KIAA1549: variants seen among roughly 807,000 people sequenced by gnomAD.
KIAA1549 encodes the protein KIAA1549, also known as UPF0606 protein KIAA1549.
Under a neutral mutation model 156.4 loss-of-function variants are expected in KIAA1549, and 70 were observed. The observed-to-expected ratio is 0.45, with a 90% CI of 0.37 to 0.55. KIAA1549 has a LOEUF of 0.55. Among genes scored for constraint, KIAA1549 ranks in the 20% least tolerant of loss-of-function variants. The probability of loss-of-function intolerance (pLI) is 0.00; values close to 1 mark genes in which losing one functional copy is unlikely to be tolerated. For missense variants in KIAA1549, 2,428 were observed against 2,540.9 expected, an observed-to-expected ratio of 0.96 and a Z score of 0.96; for synonymous variants, 1,103 against 1,066.4, an observed-to-expected ratio of 1.03 and a Z score of -0.67.
At chr7:138,919,678 G>A (rs138735877) in intron 1 of KIAA1549, among the ~76,000 whole-genome samples, 8 of 152,222 alleles carry the variant, frequency 5.3e-5, no homozygotes, top group South Asian at 2.1e-4. Context: ...GTGTATGTGT[G>A]GGGGTGGGGA....
chr7:138,902,998 T>A (rs924091336), intron 8 of KIAA1549, among the ~76,000 whole-genome samples: 2 of 152,152 alleles, frequency 1.3e-5, no homozygotes, highest in African/African-American at 4.8e-5. Context: ...TTACACATTT[T>A]TTAATGTGTT....
At chr7:138,968,994 C>T (rs1220742372) in intron 1 of KIAA1549, among the ~76,000 whole-genome samples, 1 of 151,692 alleles carries the variant, frequency 6.6e-6, no homozygotes, top group Non-Finnish European at 1.5e-5. Context: ...AAACAGGTGT[C>T]ACAGGAGTCT....
intron 2 of KIAA1549, among the ~76,000 whole-genome samples, chr7:138,913,209 CA>C (rs1233222225): frequency 1.3e-5 from 2 of 152,136 alleles, no homozygotes; most frequent in African/African-American, 4.8e-5. Flanking sequence ...AGATGTTACT[CA>C]ACAAAACCAG....
chr7:138,952,306 G>GA (rs2130541856), intron 1 of KIAA1549, among the ~76,000 whole-genome samples: 1 of 152,268 alleles, frequency 6.6e-6, no homozygotes, highest in Non-Finnish European at 1.5e-5. Context: ...ACATGGCCTA[G>GA]AAAAATAAGA....
chr7:138,880,733 G>A (rs907294303), intron 11 of KIAA1549, among the ~76,000 whole-genome samples: 1 of 152,144 alleles, frequency 6.6e-6, no homozygotes, highest in Non-Finnish European at 1.5e-5. Context: ...CCTTCTCACA[G>A]GGTCAGAGGG....
chr7:138,961,336 C>T (rs754164629), intron 1 of KIAA1549, among the ~76,000 whole-genome samples: 9 of 152,170 alleles, frequency 5.9e-5, no homozygotes, highest in Non-Finnish European at 1.0e-4. Context: ...TTGAAAGCTA[C>T]TGGGGGAAGC....
chr7:138,951,775 A>C (rs1813506314), intron 1 of KIAA1549, among the ~76,000 whole-genome samples: 1 of 152,242 alleles, frequency 6.6e-6, no homozygotes. Context: ...CATGATGAGA[A>C]AACTATACAA....
chr7:138,937,485 C>A (rs1264236531), intron 1 of KIAA1549, among the ~76,000 whole-genome samples: 2 of 152,234 alleles, frequency 1.3e-5, no homozygotes, highest in Non-Finnish European at 2.9e-5. Context: ...ATAGAAAGGT[C>A]CCCTGCTCAC....
chr7:138,940,604 T>C (rs2130522166), intron 1 of KIAA1549, among the ~76,000 whole-genome samples: 1 of 152,138 alleles, frequency 6.6e-6, no homozygotes, highest in South Asian at 2.1e-4. Context: ...ACTTCCACAA[T>C]GGTTGAACTA....
chr7:138,845,752 G>A (rs1354477369), intron 17 of KIAA1549, among the ~76,000 whole-genome samples: 3 of 152,134 alleles, frequency 2.0e-5, no homozygotes, highest in African/African-American at 7.2e-5. Context: ...AAGTTGTCAA[G>A]TTCACAGTGG....
chr7:138,876,446 T>C (rs1811087861), intron 12 of KIAA1549: 1 of 152,222 alleles, frequency 6.6e-6, no homozygotes, highest in Admixed American at 6.5e-5. Flanking sequence ...TTTTAGTCTA[T>C]ATGCTGCTGA....
chr7:138,858,442 G>A (rs560294468), intron 16 of KIAA1549, among the ~76,000 whole-genome samples: 155 of 152,132 alleles, frequency 1.0e-3, no homozygotes, highest in African/African-American at 3.4e-3. Flanking sequence ...TTCTTTGCTT[G>A]TCTGTTTAGT....
At chr7:138,888,177 T>C (rs1170143083) in intron 10 of KIAA1549, among the ~76,000 whole-genome samples, 1 of 152,230 alleles carries the variant, frequency 6.6e-6, no homozygotes, top group Non-Finnish European at 1.5e-5. Flanking sequence ...GCAGGCACCC[T>C]TGTCCACGGG....
intron 2 of KIAA1549, among the ~76,000 whole-genome samples, chr7:138,916,341 CA>C (rs569664596): frequency 2.0e-4 from 31 of 152,302 alleles, no homozygotes; most frequent in Admixed American, 1.4e-3. Flanking sequence ...TATGGTAGGA[CA>C]AAGATCCTAC....
intron 1 of KIAA1549, among the ~76,000 whole-genome samples, chr7:138,962,839 C>T (rs1463883842): frequency 1.3e-5 from 2 of 152,288 alleles, no homozygotes; most frequent in East Asian, 3.9e-4. Context: ...CAAAATGAGG[C>T]TCCCCTTTAG....
chr7:138,841,436 A>C (rs1809914782), intron 18 of KIAA1549, among the ~76,000 whole-genome samples: 1 of 152,164 alleles, frequency 6.6e-6, no homozygotes. Flanking sequence ...CCCTATACCC[A>C]GACATCTGCA....
At position 138,836,962 on chromosome 7, in the gene KIAA1549, A is replaced by G; in HGVS notation, c.*944T>C. On this transcript the variant is annotated 3_prime_UTR_variant, in exon 20 of 20. Coordinates refer to ENST00000422774, the MANE Select transcript of KIAA1549 (RefSeq NM_001164665.2). ...TCTCATTCAGACATAATTTGTGAAC[A>G]AATCAACAGCAAAGTGGAAGAAAGG... 4.4e-6 allele frequency: 1 copy of G among 227,632 alleles called. No homozygotes were observed. The highest frequency in any genetic ancestry group is 8.7e-6 in the Non-Finnish European group (1 of 114,568). The allele number at this position is 227,632 out of a possible 1,614,324, so 14.1% of individuals were successfully genotyped here.
At chr7:138,857,814 T>G (rs1403064558) in intron 16 of KIAA1549, among the ~76,000 whole-genome samples, 1 of 152,214 alleles carries the variant, frequency 6.6e-6, no homozygotes, top group Non-Finnish European at 1.5e-5. Flanking sequence ...CTTTCTATGA[T>G]TAGTGTTAGT....
intron 9 of KIAA1549, among the ~76,000 whole-genome samples, chr7:138,895,688 GT>G (rs1426361964): frequency 1.3e-5 from 2 of 152,014 alleles, no homozygotes; most frequent in Non-Finnish European, 2.9e-5. Flanking sequence ...ATTTAAAAGT[GT>G]TAAATTGGTA....
Sources: allele counts gnomAD v4.1 joint callset (sites outside exome capture counted in the v4.1 genomes callset), GRCh38; gene constraint gnomAD v4.1.1; transcripts MANE v1.5; gene names NCBI Gene and HGNC (gene_info 2026-07-23, HGNC 2026-07-21).